The following PTPRR variants were observed in gnomAD, a reference collection of about 807,000 sequenced individuals.
The protein encoded by PTPRR is protein tyrosine phosphatase receptor type R.
PTPRR carries 38 observed loss-of-function variants against 77.2 expected under a neutral mutation model. That is an observed-to-expected ratio of 0.49 (90% CI 0.38 to 0.65). PTPRR has a LOEUF of 0.65. Among genes scored for constraint, PTPRR ranks in the 30% least tolerant of loss-of-function variants. The pLI is 0.00. For synonymous variants in PTPRR, 299 were observed against 283.1 expected, an observed-to-expected ratio of 1.06 and a Z score of -0.57; for missense variants, 744 against 799.2, an observed-to-expected ratio of 0.93 and a Z score of 0.83.
intron 2 of PTPRR, among the ~76,000 whole-genome samples, chr12:70,840,284 T>G (rs189647112): frequency 5.3e-5 from 8 of 152,248 alleles, no homozygotes; most frequent in Admixed American, 3.3e-4. Context: ...AAAGCCAGAA[T>G]AGCCTTGCTA....
At chr12:70,899,119 T>G (rs747401701) in intron 1 of PTPRR, among the ~76,000 whole-genome samples, 4 of 151,464 alleles carry the variant, frequency 2.6e-5, no homozygotes, top group Non-Finnish European at 5.9e-5. Context: ...CCAAATGGCA[T>G]AATTGAAAAT....
At chr12:70,821,287 C>T (rs1293317701) in intron 2 of PTPRR, among the ~76,000 whole-genome samples, 2 of 128,492 alleles carry the variant, frequency 1.6e-5, no homozygotes, top group South Asian at 2.6e-4. Context: ...TGCAGTGGCA[C>T]AATCTTGGCT....
chr12:70,712,035 A>G (rs755606900), intron 6 of PTPRR, among the ~76,000 whole-genome samples: 8 of 152,248 alleles, frequency 5.3e-5, no homozygotes, highest in Non-Finnish European at 1.0e-4. Context: ...GTGCTTTGCA[A>G]ATAAACCAGG....
intron 2 of PTPRR, among the ~76,000 whole-genome samples, chr12:70,772,421 T>C (rs1890998618): frequency 6.6e-6 from 1 of 152,150 alleles, no homozygotes; most frequent in African/African-American, 2.4e-5. Context: ...CAAAAGGAAA[T>C]ACCATAATAT....
At chr12:70,684,291 T>C (rs915527062) in intron 9 of PTPRR, 27 bp from the exon 10 acceptor site, 3 of 1,595,610 alleles carry the variant, frequency 1.9e-6, no homozygotes, top group Non-Finnish European at 1.7e-6. Context: ...AACAAAAATA[T>C]TGGTTTTTAA....
At chr12:70,645,953 A>G (rs1395777575) in intron 13 of PTPRR, among the ~76,000 whole-genome samples, 1 of 152,156 alleles carries the variant, frequency 6.6e-6, no homozygotes, top group African/African-American at 2.4e-5. Flanking sequence ...CTATTCACTC[A>G]CACATACAGA....
At position 70,656,754 on chromosome 12, in the gene PTPRR, T is replaced by G; in HGVS notation, c.1830A>C (p.Glu610Asp). The change falls in exon 13 of 14, where the codon GAA becomes GAC. Residue 610 changes from glutamate (E) to aspartate (D), a missense_variant. Coordinates refer to ENST00000283228, the MANE Select transcript of PTPRR (RefSeq NM_002849.4). ...TGCTTAGTGCATCCACAACTCCTTC[T>G]TCTTTCAGCTGTTGACAGCCAATGG... ...ATSIGCQQLK[E>D]EGVVDALSIV... is the part of the protein sequence containing the mutation. 1.9e-6 allele frequency: 3 copies of G among 1,614,036 alleles called. No individual in the cohort carries two copies. Among genetic ancestry groups the G allele is most frequent in the Non-Finnish European group, 2.5e-6 (3 of 1,179,988 alleles).
intron 6 of PTPRR, among the ~76,000 whole-genome samples, chr12:70,716,636 A>G (rs1889042352): frequency 6.6e-6 from 1 of 152,168 alleles, no homozygotes; most frequent in Non-Finnish European, 1.5e-5. Context: ...AGCACCTAGG[A>G]CCTATGGTAT....
intron 2 of PTPRR, among the ~76,000 whole-genome samples, chr12:70,774,086 C>A (rs989396761): frequency 6.6e-6 from 1 of 152,190 alleles, no homozygotes; most frequent in Non-Finnish European, 1.5e-5. Flanking sequence ...ACAGAAGCTG[C>A]CATTAAAGAT....
intron 5 of PTPRR, among the ~76,000 whole-genome samples, chr12:70,747,914 C>T (rs1482349934): frequency 6.6e-6 from 1 of 152,060 alleles, no homozygotes; most frequent in Non-Finnish European, 1.5e-5. Context: ...AGCTATAAGG[C>T]AGTGATTCTC....
chr12:70,774,254 G>A (rs1020008436), intron 2 of PTPRR, among the ~76,000 whole-genome samples: 2 of 152,186 alleles, frequency 1.3e-5, no homozygotes, highest in African/African-American at 4.8e-5. Context: ...ATCCCCAGAG[G>A]CAGGATTTGG....
intron 13 of PTPRR, among the ~76,000 whole-genome samples, chr12:70,645,959 A>G (rs1443762039): frequency 6.6e-6 from 1 of 152,152 alleles, no homozygotes; most frequent in South Asian, 2.1e-4. Flanking sequence ...ACTCACACAT[A>G]CAGAGAGCAA....
chr12:70,646,895 T>TA (rs1316656274), intron 13 of PTPRR, among the ~76,000 whole-genome samples: 1 of 152,124 alleles, frequency 6.6e-6, no homozygotes, highest in African/African-American at 2.4e-5. Context: ...GGGACATATA[T>TA]TAGCCTTGGA....
At chr12:70,639,943 G>A (rs891448203) in intron 13 of PTPRR, among the ~76,000 whole-genome samples, 13 of 152,122 alleles carry the variant, frequency 8.5e-5, no homozygotes, top group Admixed American at 6.5e-4. Context: ...TGTACGGGGT[G>A]TCTAAACACA....
At chr12:70,832,501 G>T (rs979879467) in intron 2 of PTPRR, among the ~76,000 whole-genome samples, 1 of 152,162 alleles carries the variant, frequency 6.6e-6, no homozygotes, top group African/African-American at 2.4e-5. Flanking sequence ...GATGTGATAG[G>T]GTGGTGAGTG....
chr12:70,764,567 G>C, intron 3 of PTPRR, 98 bp downstream of exon 3: 1 of 924,072 alleles, frequency 1.1e-6, no homozygotes, highest in Non-Finnish European at 1.7e-6. Flanking sequence ...TGCCGGATTT[G>C]GCTCATTAGC....
At chr12:70,814,237 G>T (rs1467712981) in intron 2 of PTPRR, among the ~76,000 whole-genome samples, 2 of 152,082 alleles carry the variant, frequency 1.3e-5, no homozygotes, top group African/African-American at 4.8e-5. Flanking sequence ...CCCTGTTTTG[G>T]GAATGCCTTG....
chr12:70,657,325 T>A (rs1426574580), intron 12 of PTPRR, among the ~76,000 whole-genome samples: 1 of 152,174 alleles, frequency 6.6e-6, no homozygotes, highest in Non-Finnish European at 1.5e-5. Context: ...TGTTCAGAAG[T>A]CTAGTGAATA....
At chr12:70,847,656 T>G (rs368976666) in intron 2 of PTPRR, among the ~76,000 whole-genome samples, 1 of 152,266 alleles carries the variant, frequency 6.6e-6, no homozygotes, top group East Asian at 1.9e-4. Flanking sequence ...AAAATAAAAA[T>G]GCCAATTAAT....
Sources: allele counts gnomAD v4.1 joint callset (sites outside exome capture counted in the v4.1 genomes callset), GRCh38; gene constraint gnomAD v4.1.1; transcripts MANE v1.5; gene names NCBI Gene and HGNC (gene_info 2026-07-23, HGNC 2026-07-21).